The following LIX1 variants were observed in gnomAD, a reference collection of about 807,000 sequenced individuals.
LIX1 encodes protein limb expression 1 homolog.
A neutral mutation model predicts 33.4 loss-of-function variants in LIX1; 24 were observed. The ratio of observed to expected loss-of-function variants is 0.72; its 90% CI spans 0.52 to 1.01. LIX1 has a LOEUF of 1.01. Ranked by LOEUF, LIX1 falls within the 50% of genes least tolerant of loss-of-function variation. The pLI is 0.00. For missense variants in LIX1, 311 were observed against 339.2 expected, an observed-to-expected ratio of 0.92 and a Z score of 0.65; for synonymous variants, 124 against 124.0, an observed-to-expected ratio of 1.00 and a Z score of 0.00.
chr5:97,134,848 C>T (rs577954049), intron 1 of LIX1, among the ~76,000 whole-genome samples: 2 of 152,278 alleles, frequency 1.3e-5, no homozygotes, highest in African/African-American at 2.4e-5. Context: ...GTAGGAATCT[C>T]GGGGCCCCTT....
intron 2 of LIX1, among the ~76,000 whole-genome samples, 196 bp from the exon 3 acceptor site, chr5:97,107,696 G>A (rs1747132408): frequency 6.6e-6 from 1 of 152,154 alleles, no homozygotes; most frequent in African/African-American, 2.4e-5. Context: ...TGTCTTGGTT[G>A]ATCTTCAATT....
intron 1 of LIX1, among the ~76,000 whole-genome samples, chr5:97,125,596 G>A (rs1268603385): frequency 6.6e-6 from 1 of 152,202 alleles, no homozygotes. Flanking sequence ...CTGCTTTCCT[G>A]TAAGGTTCAT....
chr5:97,096,328 C>T (rs750509945), intron 5 of LIX1, among the ~76,000 whole-genome samples: 10 of 152,134 alleles, frequency 6.6e-5, no homozygotes, highest in African/African-American at 9.7e-5. Flanking sequence ...GATTAAATGC[C>T]GGCTTGTCAG....
At chr5:97,109,220 A>G (rs1015007709) in intron 2 of LIX1, among the ~76,000 whole-genome samples, 5 of 151,986 alleles carry the variant, frequency 3.3e-5, no homozygotes, top group Admixed American at 1.3e-4. Flanking sequence ...CTTCTTGCCC[A>G]CCCCTTCTCC....
chr5:97,118,864 T>G (rs1056502380), intron 2 of LIX1, among the ~76,000 whole-genome samples: 1 of 152,182 alleles, frequency 6.6e-6, no homozygotes, highest in Non-Finnish European at 1.5e-5. Context: ...TCTCTGTTTC[T>G]GTTTTTTGTA....
chr5:97,115,306 T>A, intron 2 of LIX1, among the ~76,000 whole-genome samples: 1 of 152,336 alleles, frequency 6.6e-6, no homozygotes, highest in Admixed American at 6.5e-5. Context: ...AATTAGTTTT[T>A]TTATTACTTA....
At chr5:97,103,395 C>T (rs1746822884) in intron 4 of LIX1, among the ~76,000 whole-genome samples, 1 of 152,200 alleles carries the variant, frequency 6.6e-6, no homozygotes, top group Non-Finnish European at 1.5e-5. Context: ...ACCCCATGCA[C>T]TCTTCTGGAC....
At chr5:97,124,329 G>C (rs952918470) in intron 2 of LIX1, 137 bp downstream of exon 2, 3 of 654,430 alleles carry the variant, frequency 4.6e-6, no homozygotes, top group Non-Finnish European at 7.2e-6. Flanking sequence ...TTCCTTTCTG[G>C]TTGTTTTCAT....
At chr5:97,123,043 C>T (rs1365787441) in intron 2 of LIX1, among the ~76,000 whole-genome samples, 3 of 152,172 alleles carry the variant, frequency 2.0e-5, no homozygotes, top group African/African-American at 2.4e-5. Flanking sequence ...TCACATCTCT[C>T]GGTTTCCATA....
At position 97,093,011 on chromosome 5, in the gene LIX1, C is replaced by A. The variant is rs1211325777; in HGVS notation, c.*1737G>T. On this transcript the variant is annotated 3_prime_UTR_variant, in exon 6 of 6. Coordinates refer to ENST00000274382, the MANE Select transcript of LIX1 (RefSeq NM_153234.5). Reference sequence around the variant, plus strand: ...AGCCTCATTGTGGAGAGGAATGTAACTTTTGTTAAAATAATATTTTAAAAT... The same window carrying A: ...AGCCTCATTGTGGAGAGGAATGTAAATTTTGTTAAAATAATATTTTAAAAT... 6.6e-6 allele frequency: 1 copy of A among 152,214 alleles called. No homozygotes were observed. The highest frequency in any genetic ancestry group is 1.9e-4 in the East Asian group (1 of 5,312). 9.4% of individuals were successfully genotyped at this position (152,214 alleles called of 1,614,324 possible).
intron 1 of LIX1, chr5:97,137,287 GT>G: frequency 4.2e-6 from 1 of 239,002 alleles, no homozygotes; most frequent in South Asian, 5.2e-5. Flanking sequence ...CAGGATAGGT[GT>G]CTATCATATT....
chr5:97,132,105 A>G (rs1748068777), intron 1 of LIX1, among the ~76,000 whole-genome samples: 1 of 152,228 alleles, frequency 6.6e-6, no homozygotes, highest in Non-Finnish European at 1.5e-5. Context: ...ATTGAAAAAT[A>G]CCATATGGGA....
intron 2 of LIX1, among the ~76,000 whole-genome samples, chr5:97,115,479 A>C (rs990941331): frequency 6.6e-6 from 1 of 152,186 alleles, no homozygotes; most frequent in East Asian, 1.9e-4. Flanking sequence ...GGCAGGATAC[A>C]TGTGTTGAGT....
chr5:97,136,574 A>T (rs1748176842), intron 1 of LIX1, among the ~76,000 whole-genome samples: 1 of 152,224 alleles, frequency 6.6e-6, no homozygotes, highest in African/African-American at 2.4e-5. Context: ...AGGTGTGGAC[A>T]AAAACACCAC....
intron 1 of LIX1, among the ~76,000 whole-genome samples, chr5:97,133,244 C>A (rs1422564211): frequency 6.6e-6 from 1 of 152,120 alleles, no homozygotes; most frequent in Admixed American, 6.6e-5. Context: ...TAGTTAAAAG[C>A]CTGTTCTCTG....
intron 1 of LIX1, among the ~76,000 whole-genome samples, chr5:97,126,977 GA>G (rs1747943067): frequency 1.3e-5 from 2 of 152,104 alleles, no homozygotes; most frequent in African/African-American, 4.8e-5. Context: ...ACTCAAAATA[GA>G]ATTAGAACTT....
intron 2 of LIX1, among the ~76,000 whole-genome samples, chr5:97,113,919 T>C (rs1320141019): frequency 1.3e-5 from 2 of 152,212 alleles, no homozygotes; most frequent in African/African-American, 2.4e-5. Context: ...TGGGGATAAA[T>C]GGTACTCACT....
intron 1 of LIX1, among the ~76,000 whole-genome samples, chr5:97,130,240 G>T (rs116784712): frequency 5.9e-5 from 9 of 152,240 alleles, no homozygotes; most frequent in Non-Finnish European, 1.3e-4. Flanking sequence ...CCCGTAGAGA[G>T]AAATGAGCCT....
At chr5:97,095,887 C>A (rs1185742023) in intron 5 of LIX1, among the ~76,000 whole-genome samples, 1 of 152,036 alleles carries the variant, frequency 6.6e-6, no homozygotes, top group African/African-American at 2.4e-5. Context: ...ATTTCAAAGG[C>A]CTTTTGTAAA....
Sources: gnomAD v4.1 joint callset for allele counts (sites outside exome capture counted in the v4.1 genomes callset) on GRCh38, gnomAD v4.1.1 for gene constraint, MANE v1.5 for transcripts, NCBI Gene and HGNC (gene_info 2026-07-23, HGNC 2026-07-21) for gene names.